The following SGSM2 variants were observed in gnomAD, a reference collection of about 807,000 sequenced individuals.
SGSM2 encodes the protein RUN and TBC1 domain containing 1.
Under a neutral mutation model 126.6 loss-of-function variants are expected in SGSM2, and 89 were observed. The ratio of observed to expected loss-of-function variants is 0.70; its 90% CI spans 0.59 to 0.84. The LOEUF is 0.84. Among genes scored for constraint, SGSM2 ranks in the 40% least tolerant of loss-of-function variants. The pLI is 0.00. For synonymous variants in SGSM2, 614 were observed against 574.3 expected, an observed-to-expected ratio of 1.07 and a Z score of -0.99; for missense variants, 1,404 against 1,416.6, an observed-to-expected ratio of 0.99 and a Z score of 0.14.
intron 1 of SGSM2, among the ~76,000 whole-genome samples, chr17:2,340,845 A>G (rs1265545436): frequency 6.6e-6 from 1 of 152,164 alleles, no homozygotes; most frequent in Admixed American, 6.5e-5. Flanking sequence ...TGGCCTCCCA[A>G]AGTGCTGGGA....
At chr17:2,346,683 C>T (rs1461761072) in intron 2 of SGSM2, among the ~76,000 whole-genome samples, 1 of 151,896 alleles carries the variant, frequency 6.6e-6, no homozygotes, top group Non-Finnish European at 1.5e-5. Context: ...CTGGCGGCAG[C>T]AGGGGGGTGG....
chr17:2,371,786 A>ACCTGAGG (rs527550605), intron 13 of SGSM2: 169 of 377,380 alleles, frequency 4.5e-4, no homozygotes, highest in African/African-American at 3.3e-3. Context: ...CAGGCCGTCC[A>ACCTGAGG]CCTGAGGACA....
At position 2,364,091 on chromosome 17, in the gene SGSM2, C is replaced by G. The variant is rs1323083173; in HGVS notation, c.840C>G (p.Leu280=). ...KEDMEAVPGY[L]SLHQSAESLT... Reference sequence around the variant, plus strand: ...ATATGGAGGCGGTCCCTGGCTACCTCTCCCTGCACCAGTCTGCAGAGAGCC... The same window carrying G: ...ATATGGAGGCGGTCCCTGGCTACCTGTCCCTGCACCAGTCTGCAGAGAGCC... Residue 280 remains leucine (L), a synonymous_variant, in exon 8 of 24, where the codon CTC becomes CTG. Coordinates refer to ENST00000268989, the MANE Select transcript of SGSM2 (RefSeq NM_014853.3). 4.3e-6 allele frequency: 7 copies of G among 1,613,930 alleles called. No homozygotes were observed. The highest frequency in any genetic ancestry group is 5.9e-6 in the Non-Finnish European group (7 of 1,180,020).
rs377055045 is a variant in SGSM2, at chr17:2,372,389, G to A, written c.1689G>A (p.Ser563=). 1.6e-5 allele frequency: 25 copies of A among 1,592,104 alleles called. No individual in the cohort carries two copies. Among genetic ancestry groups the A allele is most frequent in the East Asian group, 1.4e-4 (6 of 44,222 alleles). ...RHLSTVRTHL[S]ALVHHSVIPP... Reference sequence around the variant, plus strand: ...TGTCCACGGTGCGGACCCACCTGTCGGCGCTGGTGCACCATAGCGTTATCC... The same window carrying A: ...TGTCCACGGTGCGGACCCACCTGTCAGCGCTGGTGCACCATAGCGTTATCC... Residue 563 remains serine, a synonymous_variant, in exon 15 of 24, where the codon TCG becomes TCA. Transcript: ENST00000268989. This position sits in a 1 kb window ranked among gnomAD's most constrained non-coding sequence, Gnocchi z 6.0.
chr17:2,372,101 GC>G lies in SGSM2; in HGVS notation c.1578-83del, dbSNP rs555744252. 1.3e-5 allele frequency: 20 copies of G among 1,488,800 alleles called. No individual in the cohort carries two copies. Among genetic ancestry groups the G allele is most frequent in the Non-Finnish European group, 1.6e-5 (17 of 1,077,082 alleles). The allele number at this position is 1,488,800 out of a possible 1,614,324, so 92.2% of individuals were successfully genotyped here. A position where few individuals can be genotyped will look rare whatever the true frequency, so the allele number is the denominator to read the frequency against. On this transcript the variant is annotated intron_variant, in intron 13 of 23. Transcript: ENST00000268989. This position sits in a 1 kb window ranked among gnomAD's most constrained non-coding sequence, Gnocchi z 6.0. ...TCGCACCCTCCCCAGTGCCTTACCT[GC>G]CCCCCAGGACAGAGCCTCCTCCCTT...
In SGSM2 at chr17:2,379,078, G is replaced by A. The variant is rs2066306950; in HGVS notation, c.2942G>A (p.Trp981Ter). Reference sequence around the variant, plus strand: ...GTGTTTGCTGTGTGGGAGGTGATCTGGGCAGCCAGGCACATCTCATCGGAG... The same window carrying A: ...GTGTTTGCTGTGTGGGAGGTGATCTAGGCAGCCAGGCACATCTCATCGGAG... ...EDVFAVWEVI[W>*]AARHISSEHF... Residue 981 changes from tryptophan to a stop codon, truncating the protein, a stop_gained, in exon 23 of 24, where the codon TGG becomes TAG. Transcript: ENST00000268989. LOFTEE classifies it high-confidence loss of function. 1.2e-6 allele frequency: 2 copies of A among 1,614,188 alleles called. No homozygotes were observed. Among genetic ancestry groups the A allele is most frequent in the African/African-American group, 1.3e-5 (1 of 75,052 alleles).
In SGSM2 at chr17:2,363,528, T is replaced by C. The variant is rs746157263; in HGVS notation, c.736T>C (p.Cys246Arg). ...CAGGCTGGCTGCCTGTGCCCGCGAGTGTGTGGAGTCCCTGCACCAGAACTC... is the reference window on the plus strand; with the variant it reads ...CAGGCTGGCTGCCTGTGCCCGCGAGCGTGTGGAGTCCCTGCACCAGAACTC... ...EDRLAACARE[C>R]VESLHQNSRT... Residue 246 changes from cysteine (C) to arginine (R), a missense_variant, in exon 7 of 24, where the codon TGT becomes CGT. Transcript: ENST00000268989. This position sits in a 1 kb window ranked among gnomAD's most constrained non-coding sequence, Gnocchi z 4.2. 10 of 1,613,304 alleles carry C rather than the reference T, an allele frequency of 6.2e-6. No individual in the cohort carries two copies. Among genetic ancestry groups the C allele is most frequent in the African/African-American group, 1.3e-5 (1 of 75,034 alleles).
chr17:2,371,957 T>G, intron 13 of SGSM2: 1 of 554,862 alleles, frequency 1.8e-6, no homozygotes. Context: ...GTAGGTGAAG[T>G]TCGTTGACCA....
rs1330716740 is a variant in SGSM2 at position 2,373,029 on chromosome 17, C to G, written c.1865C>G (p.Pro622Arg). 6.2e-7 allele frequency: 1 copy of G among 1,606,602 alleles called. No homozygotes were observed. Among genetic ancestry groups the G allele is most frequent in the Non-Finnish European group, 8.5e-7 (1 of 1,176,948 alleles). ...CACGAGATCCGCAAGGACGTCTGGC[C>G]CTTTCTGCTTGGCCACTACAAGTTC... is the stretch of plus-strand genomic sequence containing the variant. Reference protein sequence around the residue: ...IEHEIRKDVWPFLLGHYKFGM... With the variant: ...IEHEIRKDVWRFLLGHYKFGM... The change falls in exon 16 of 24, where the codon CCC (proline) becomes CGC (arginine). Residue 622 changes from proline to arginine, a missense_variant. Pro to Arg is a moderately radical substitution (Grantham distance 103). Coordinates refer to ENST00000268989, the MANE Select transcript of SGSM2 (RefSeq NM_014853.3).
At chr17:2,345,402 C>G (rs1293545510) in intron 2 of SGSM2, among the ~76,000 whole-genome samples, 1 of 151,930 alleles carries the variant, frequency 6.6e-6, no homozygotes, top group Non-Finnish European at 1.5e-5. Context: ...CGAGACCATC[C>G]TGGCTAACAC....
chr17:2,363,354 A>G lies in SGSM2; in HGVS notation c.673-111A>G. 1 of 1,523,012 alleles carries G rather than the reference A, an allele frequency of 6.6e-7. No homozygotes were observed. Among genetic ancestry groups the G allele is most frequent in the Non-Finnish European group, 8.9e-7 (1 of 1,128,238 alleles). The allele number at this position is 1,523,012 out of a possible 1,614,324, so 94.3% of individuals were successfully genotyped here. A position where few individuals can be genotyped will look rare whatever the true frequency, so the allele number is the denominator to read the frequency against. ...AGGGTGGCTGGGAGTAAACCGGGGCAGGAAGGACCCCTGGGGTCAGCTGGA... is the reference window on the plus strand; with the variant it reads ...AGGGTGGCTGGGAGTAAACCGGGGCGGGAAGGACCCCTGGGGTCAGCTGGA... On this transcript the variant is annotated intron_variant, in intron 6 of 23. Transcript: ENST00000268989. This position sits in a 1 kb window ranked among gnomAD's most constrained non-coding sequence, Gnocchi z 4.2.
At chr17:2,357,752 C>T (rs537088850) in intron 2 of SGSM2, among the ~76,000 whole-genome samples, 3 of 152,352 alleles carry the variant, frequency 2.0e-5, no homozygotes, top group Admixed American at 6.5e-5. Flanking sequence ...CCCACCTCGC[C>T]TCCCAAAGTG....
At position 2,379,431 on chromosome 17, in the gene SGSM2, G is replaced by A. The variant is rs141681339; in HGVS notation, c.3068-1G>A. The A allele has an allele frequency of 1.2e-6, 2 of 1,612,122 alleles. No homozygotes were observed. Among genetic ancestry groups the A allele is most frequent in the African/African-American group, 1.3e-5 (1 of 75,012 alleles). The stretch of plus-strand genomic sequence containing the variant: ...CTACAGCTCTTCACGTTTCCCCCCA[G>A]AACGTGCTGAGCATCACGATGCCCA... On this transcript the variant is annotated splice_acceptor_variant, in intron 23 of 23. Transcript: ENST00000268989. LOFTEE classifies it high-confidence loss of function.
Position 2,372,189 on chromosome 17 carries a change from G to A in SGSM2, c.1578-1G>A. The A allele has an allele frequency of 6.2e-7, 1 of 1,613,332 alleles. No individual in the cohort carries two copies. The highest frequency in any genetic ancestry group is 8.5e-7 in the Non-Finnish European group (1 of 1,179,808). ...CCTGCTGAGCCCGGTTGTTGCCACA[G>A]GTTGCCGCTCAGGCTACTGTGTGAG... On this transcript the variant is annotated splice_acceptor_variant, in intron 13 of 23. Coordinates refer to ENST00000268989, the MANE Select transcript of SGSM2 (RefSeq NM_014853.3). LOFTEE classifies it high-confidence loss of function. The surrounding 1 kb of genome is among the most constrained non-coding windows in gnomAD (Gnocchi z 6.0).
At chr17:2,341,422 T>C (rs1465561782) in intron 1 of SGSM2, among the ~76,000 whole-genome samples, 3 of 152,226 alleles carry the variant, frequency 2.0e-5, no homozygotes, top group East Asian at 3.8e-4. Flanking sequence ...TTTGCATTAA[T>C]TGATCTGATC....
chr17:2,361,525 G>T, intron 2 of SGSM2, 112 bp from the exon 3 acceptor site: 5 of 1,340,606 alleles, frequency 3.7e-6, no homozygotes, highest in Non-Finnish European at 5.2e-6. Flanking sequence ...TCCCTGGCCT[G>T]CCCTTGGCTT....
chr17:2,346,021 C>G (rs2151487664), intron 2 of SGSM2, among the ~76,000 whole-genome samples: 1 of 152,310 alleles, frequency 6.6e-6, no homozygotes, highest in Non-Finnish European at 1.5e-5. Context: ...AACACCACCC[C>G]TCTCTGCCTT....
chr17:2,379,746 A>G lies in SGSM2; in HGVS notation c.*226A>G. 1 of 1,399,204 alleles carries G rather than the reference A, an allele frequency of 7.1e-7. No individual in the cohort carries two copies. Among genetic ancestry groups the G allele is most frequent in the Admixed American group, 2.9e-5 (1 of 34,492 alleles). The allele number at this position is 1,399,204 out of a possible 1,614,324, so 86.7% of individuals were successfully genotyped here. On this transcript the variant is annotated 3_prime_UTR_variant, in exon 24 of 24. Transcript: ENST00000268989. Reference sequence around the variant, plus strand: ...GGGATGGGAGGGGTCAGCCTCAGGGAGCAGCTGCCTTGGGGGACACACCTA... The same window carrying G: ...GGGATGGGAGGGGTCAGCCTCAGGGGGCAGCTGCCTTGGGGGACACACCTA...
At position 2,342,184 on chromosome 17, in the gene SGSM2, A is replaced by G. The variant is rs542082119; in HGVS notation, c.58-1361A>G. Among the ~76,000 whole-genome samples, 28 of 151,354 alleles carry G rather than the reference A, an allele frequency of 1.8e-4. 1 individual carries two copies. In the South Asian group the frequency reaches 5.7e-3, roughly 31 times the overall value. Reference sequence around the variant, plus strand: ...GTAATCCCAGCACTTTGGGAGGCCAACGCGGGTGGATCACCGAGGTCAGGA... The same window carrying G: ...GTAATCCCAGCACTTTGGGAGGCCAGCGCGGGTGGATCACCGAGGTCAGGA... On this transcript the variant is annotated intron_variant, in intron 1 of 23. Coordinates refer to ENST00000268989, the MANE Select transcript of SGSM2 (RefSeq NM_014853.3).
Sources: allele counts gnomAD v4.1 joint callset (sites outside exome capture counted in the v4.1 genomes callset), GRCh38; gene constraint gnomAD v4.1.1; non-coding constraint Gnocchi (gnomAD v3.1); transcripts MANE v1.5; gene names NCBI Gene and HGNC (gene_info 2026-07-23, HGNC 2026-07-21).